The following PPP2R5E variants were observed in gnomAD, a reference collection of about 807,000 sequenced individuals.
The protein encoded by PPP2R5E is serine/threonine-protein phosphatase 2A 56 kDa regulatory subunit epsilon isoform.
PPP2R5E carries 4 observed loss-of-function variants against 65.3 expected under a neutral mutation model. The ratio of observed to expected loss-of-function variants is 0.06; its 90% CI spans 0.03 to 0.14. The LOEUF (loss-of-function observed/expected upper bound fraction) is 0.14. Ranked by LOEUF, PPP2R5E falls within the 10% of genes least tolerant of loss-of-function variation. The pLI, the probability that PPP2R5E is intolerant of heterozygous loss-of-function variation, is 1.00. For synonymous variants in PPP2R5E, 183 were observed against 187.4 expected (o/e 0.98, Z 0.19); for missense variants, 274 against 556.1 (o/e 0.49, Z 5.10).
At chr14:63,470,353 G>C (rs1346331748) in intron 2 of PPP2R5E, among the ~76,000 whole-genome samples, 3 of 151,348 alleles carry the variant, frequency 2.0e-5, no homozygotes, top group Non-Finnish European at 4.4e-5. Context: ...GATTACAAGT[G>C]TGAGCCCCTG....
chr14:63,411,401 T>A (rs74060077), intron 5 of PPP2R5E, among the ~76,000 whole-genome samples: 4,517 of 152,210 alleles, frequency 0.03, 218 homozygotes, highest in African/African-American at 0.1. Context: ...TTCTTTTTTT[T>A]AAAATTATTT....
intron 13 of PPP2R5E, among the ~76,000 whole-genome samples, chr14:63,379,037 T>C (rs1277894612): frequency 6.6e-6 from 1 of 152,064 alleles, no homozygotes; most frequent in Non-Finnish European, 1.5e-5. Context: ...TTTTCTTTTT[T>C]TTTTTTTTCG....
chr14:63,462,270 C>T (rs1020486791), intron 2 of PPP2R5E, among the ~76,000 whole-genome samples: 2 of 152,058 alleles, frequency 1.3e-5, no homozygotes, highest in African/African-American at 2.4e-5. Context: ...TGGAGTTTCA[C>T]CGTGTTAGCC....
At chr14:63,506,708 G>A (rs1169749311) in intron 2 of PPP2R5E, among the ~76,000 whole-genome samples, 1 of 152,138 alleles carries the variant, frequency 6.6e-6, no homozygotes, top group East Asian at 1.9e-4. Flanking sequence ...GATATAAAAT[G>A]GTGGAGCTGC....
chr14:63,419,381 C>G (rs1367544476), intron 4 of PPP2R5E, among the ~76,000 whole-genome samples: 3 of 152,114 alleles, frequency 2.0e-5, no homozygotes, highest in Non-Finnish European at 4.4e-5. Context: ...TAAAACTATG[C>G]TGTGTTTTGG....
intron 2 of PPP2R5E, among the ~76,000 whole-genome samples, chr14:63,514,409 C>A (rs1892581530): frequency 6.6e-6 from 1 of 152,016 alleles, no homozygotes; most frequent in African/African-American, 2.4e-5. Context: ...CAAAGCAACA[C>A]CTTTCCTGCT....
intron 3 of PPP2R5E, chr14:63,453,112 A>T (rs1190256664): frequency 1.3e-5 from 2 of 152,348 alleles, no homozygotes; most frequent in Admixed American, 1.3e-4. Flanking sequence ...AATTACTCAC[A>T]TTATGTTAAT....
chr14:63,456,535 A>AT (rs2139489904), intron 2 of PPP2R5E, among the ~76,000 whole-genome samples: 1 of 152,382 alleles, frequency 6.6e-6, no homozygotes, highest in African/African-American at 2.4e-5. Flanking sequence ...CTAAGCACTT[A>AT]TACATATTAT....
At chr14:63,431,793 C>A (rs17225189) in intron 3 of PPP2R5E, among the ~76,000 whole-genome samples, 5 of 151,724 alleles carry the variant, frequency 3.3e-5, no homozygotes, top group Admixed American at 2.0e-4. Flanking sequence ...ATTTCTAAAG[C>A]GAGTAATTAC....
intron 3 of PPP2R5E, among the ~76,000 whole-genome samples, chr14:63,444,607 GA>G (rs200955553): frequency 3.4e-5 from 5 of 144,952 alleles, no homozygotes; most frequent in Non-Finnish European, 6.1e-5. Flanking sequence ...ACATTTTCGA[GA>G]AAAAAAAAAG....
chr14:63,395,360 A>T, intron 6 of PPP2R5E, 75 bp from the exon 7 acceptor site: 1 of 759,896 alleles, frequency 1.3e-6, no homozygotes, highest in Non-Finnish European at 2.0e-6. Context: ...GAGGAGGAGG[A>T]GGAGGAGAAG....
intron 2 of PPP2R5E, among the ~76,000 whole-genome samples, chr14:63,491,321 A>G (rs2139633995): frequency 6.6e-6 from 1 of 152,216 alleles, no homozygotes; most frequent in East Asian, 1.9e-4. Context: ...AAACCTCAGC[A>G]TAGAGTGATA....
intron 3 of PPP2R5E, among the ~76,000 whole-genome samples, chr14:63,426,778 TTAAA>T (rs1356533478): frequency 8.0e-5 from 12 of 150,806 alleles, no homozygotes; most frequent in Non-Finnish European, 1.5e-4. Flanking sequence ...GATTTAAGAA[TTAAA>T]TGAATGAACC....
chr14:63,537,474 C>T (rs897263361), intron 2 of PPP2R5E, among the ~76,000 whole-genome samples: 2 of 152,146 alleles, frequency 1.3e-5, no homozygotes, highest in African/African-American at 2.4e-5. Context: ...CCCCAAAGCT[C>T]ACAGGAGCTC....
intron 5 of PPP2R5E, among the ~76,000 whole-genome samples, chr14:63,400,398 G>A (rs751709460): frequency 3.3e-5 from 5 of 152,168 alleles, no homozygotes; most frequent in Non-Finnish European, 7.4e-5. Flanking sequence ...CAGGCTGACC[G>A]ATGAAGAAAT....
At chr14:63,496,882 C>T (rs1313437765) in intron 2 of PPP2R5E, among the ~76,000 whole-genome samples, 1 of 143,026 alleles carries the variant, frequency 7.0e-6, no homozygotes, top group East Asian at 2.0e-4. Context: ...TCTGGGTACA[C>T]AGTTTAAAAA....
intron 3 of PPP2R5E, among the ~76,000 whole-genome samples, chr14:63,436,315 TA>T (rs1887950378): frequency 6.6e-6 from 1 of 152,218 alleles, no homozygotes; most frequent in African/African-American, 2.4e-5. Flanking sequence ...TGCGAATTTT[TA>T]AAAAAGCATA....
At position 63,374,131 on chromosome 14, in the gene PPP2R5E, T is replaced by C. The variant is rs1883847087; in HGVS notation, c.*1878A>G. On this transcript the variant is annotated 3_prime_UTR_variant, in exon 14 of 14. Coordinates refer to ENST00000337537, the MANE Select transcript of PPP2R5E (RefSeq NM_006246.5). Reference sequence around the variant, plus strand: ...TAACAATGCCAGTTTTGTTTGTTTTTTTACAAAGTTACCGAGATGACAATA... The same window carrying C: ...TAACAATGCCAGTTTTGTTTGTTTTCTTACAAAGTTACCGAGATGACAATA... 1 of 152,022 alleles carries C rather than the reference T, an allele frequency of 6.6e-6. No individual in the cohort carries two copies. Among genetic ancestry groups the C allele is most frequent in the Non-Finnish European group, 1.5e-5 (1 of 67,982 alleles). 9.4% of individuals were successfully genotyped at this position (152,022 alleles called of 1,614,324 possible). A position where few individuals can be genotyped will look rare whatever the true frequency, so the allele number is the denominator to read the frequency against.
At chr14:63,428,367 A>C (rs537570022) in intron 3 of PPP2R5E, among the ~76,000 whole-genome samples, 3 of 152,362 alleles carry the variant, frequency 2.0e-5, no homozygotes, top group African/African-American at 7.2e-5. Flanking sequence ...CTTTCAGATA[A>C]ACGACAAATA....
Sources: allele counts gnomAD v4.1 joint callset (sites outside exome capture counted in the v4.1 genomes callset), GRCh38; gene constraint gnomAD v4.1.1; transcripts MANE v1.5; gene names NCBI Gene and HGNC (gene_info 2026-07-23, HGNC 2026-07-21).